The following DDX19B variants were observed in gnomAD, a reference collection of about 807,000 sequenced individuals.
The protein encoded by DDX19B is ATP-dependent RNA helicase DDX19B.
In DDX19B, 27 loss-of-function variants were observed where a neutral mutation model predicts 58.1. The observed-to-expected ratio is 0.46, with a 90% CI of 0.34 to 0.64. DDX19B has a LOEUF of 0.64. DDX19B is among the 30% of genes least tolerant of loss of function. The pLI is 0.01. For synonymous variants in DDX19B, 187 were observed against 214.4 expected (o/e 0.87, Z 1.12); for missense variants, 399 against 596.5 (o/e 0.67, Z 3.45).
At chr16:70,294,917 C>A, upstream of DDX19B, 2 of 1,523,236 alleles carry the variant, frequency 1.3e-6, no homozygotes, top group Non-Finnish European at 8.8e-7. Context: ...CTGTGGGCGA[C>A]GTGAGTATCT....
chr16:70,329,152 G>T, intron 7 of DDX19B, 140 bp from the exon 8 acceptor site: 2 of 1,136,258 alleles, frequency 1.8e-6, no homozygotes, highest in South Asian at 3.2e-5. Flanking sequence ...GAACCTGGGC[G>T]GCAGAGGTTG....
chr16:70,295,614 T>A (rs1038812977), upstream of DDX19B, among the ~76,000 whole-genome samples: 5 of 152,114 alleles, frequency 3.3e-5, no homozygotes, highest in Admixed American at 6.6e-5. Context: ...AGATTATCAA[T>A]TGGACCTTAG....
chr16:70,311,188 A>AC (rs1962075159), intron 1 of DDX19B, among the ~76,000 whole-genome samples: 1 of 150,860 alleles, frequency 6.6e-6, no homozygotes, highest in African/African-American at 2.4e-5. Context: ...CCTGGCTAAC[A>AC]CCGTGAAACC....
intron 3 of DDX19B, among the ~76,000 whole-genome samples, chr16:70,315,386 C>CA (rs750665674): frequency 0.052 from 2,816 of 53,842 alleles, 121 homozygotes; most frequent in African/African-American, 0.16. Context: ...GACTCTGTCT[C>CA]AAAAAAAAAA....
chr16:70,327,277 G>C (rs1290958714), intron 7 of DDX19B, among the ~76,000 whole-genome samples: 1 of 151,564 alleles, frequency 6.6e-6, no homozygotes, highest in Non-Finnish European at 1.5e-5. Context: ...GCTCATGCCT[G>C]TAATCCCAGC....
intron 4 of DDX19B, 68 bp downstream of exon 4, chr16:70,316,172 A>C: frequency 6.3e-7 from 1 of 1,585,242 alleles, no homozygotes; most frequent in Middle Eastern, 1.7e-4. Flanking sequence ...TCTGTTATAG[A>C]TATCTTTTGA....
upstream of DDX19B, among the ~76,000 whole-genome samples, chr16:70,296,748 C>T (rs1961239073): frequency 6.6e-6 from 1 of 152,040 alleles, no homozygotes; most frequent in Non-Finnish European, 1.5e-5. Flanking sequence ...AAACAAAAAA[C>T]AAAAACGTCT....
rs1963358706 is a variant in DDX19B, at chr16:70,329,402, G to C, written c.718G>C (p.Val240Leu). 6.2e-7 allele frequency: 1 copy of C among 1,613,932 alleles called. No homozygotes were observed. Among genetic ancestry groups the C allele is most frequent in the African/African-American group, 1.3e-5 (1 of 74,872 alleles). Residue 240 changes from valine (V) to leucine (L), a missense_variant, in exon 8 of 12, where the codon GTT becomes CTT. Coordinates refer to ENST00000288071, the MANE Select transcript of DDX19B (RefSeq NM_007242.7). The part of the protein sequence containing the change: ...FIDPKKIKVF[V>L]LDEADVMIAT... ...TGATCCCAAGAAAATCAAGGTGTTT[G>C]TTCTGGATGAGGCTGATGTCATGAT...
At chr16:70,328,172 G>C (rs1286905675) in intron 7 of DDX19B, among the ~76,000 whole-genome samples, 3 of 151,622 alleles carry the variant, frequency 2.0e-5, no homozygotes, top group African/African-American at 4.8e-5. Context: ...AAAAGTGTTA[G>C]AGGTTTGGTT....
chr16:70,315,709 G>C (rs192127249), intron 3 of DDX19B: 1 of 374,612 alleles, frequency 2.7e-6, no homozygotes, highest in East Asian at 4.4e-5. Context: ...TGTGGGTCTG[G>C]ATAGGAGGAA....
rs1160185627 is a variant in DDX19B, at chr16:70,299,227, C to T, written c.-71C>T. On this transcript the variant is annotated 5_prime_UTR_variant, in exon 1 of 12. Transcript: ENST00000288071. The stretch of plus-strand genomic sequence containing the variant: ...GCTGGAGCAGAGCCTGCCGCGAACC[C>T]CCGGAGCCCACGATCCCTCGTGCCA... The T allele has an allele frequency of 8.9e-6, 13 of 1,463,366 alleles. No homozygotes were observed. The South Asian group carries it at 9.8e-5, about 11-fold the overall frequency. 90.6% of individuals were successfully genotyped at this position (1,463,366 alleles called of 1,614,324 possible).
upstream of DDX19B, among the ~76,000 whole-genome samples, chr16:70,296,487 T>C (rs921777502): frequency 3.3e-5 from 5 of 152,150 alleles, no homozygotes; most frequent in Admixed American, 1.3e-4. Flanking sequence ...GCTTGGGGGC[T>C]TTTGGGGTGG....
intron 3 of DDX19B, 152 bp from the exon 4 acceptor site, chr16:70,315,817 C>G: frequency 9.1e-7 from 1 of 1,101,094 alleles, no homozygotes; most frequent in African/African-American, 1.6e-5. Context: ...TTTAATAAAA[C>G]TATTTTAATT....
At chr16:70,311,253 G>A (rs1036489174) in intron 1 of DDX19B, among the ~76,000 whole-genome samples, 1 of 151,682 alleles carries the variant, frequency 6.6e-6, no homozygotes, top group African/African-American at 2.4e-5. Context: ...GGTGGCGGGC[G>A]CCTGTAGTCT....
intron 7 of DDX19B, among the ~76,000 whole-genome samples, chr16:70,326,725 G>C (rs573130840): frequency 4.6e-5 from 7 of 152,042 alleles, no homozygotes; most frequent in African/African-American, 1.7e-4. Flanking sequence ...TAGTACAGAT[G>C]GGGTTTCACC....
upstream of DDX19B, among the ~76,000 whole-genome samples, chr16:70,298,053 T>C (rs1053358901): frequency 1.3e-5 from 2 of 151,998 alleles, no homozygotes; most frequent in Non-Finnish European, 2.9e-5. Flanking sequence ...GGTGGGAGGA[T>C]CACTTGAGCT....
rs947083597 is a variant in DDX19B at position 70,313,659 on chromosome 16, T to A, written c.106+1002T>A. On this transcript the variant is annotated intron_variant, in intron 2 of 11. Coordinates refer to ENST00000288071, the MANE Select transcript of DDX19B (RefSeq NM_007242.7). ...TTTACCTATCCTAATTATTCTGAAA[T>A]CATATTTATCCAAAGTTAAGATTTC... 9.2e-5 allele frequency among the ~76,000 whole-genome samples: 14 copies of A among 152,316 alleles called. 1 individual carries two copies. The highest frequency in any genetic ancestry group is 2.0e-4 in the Admixed American group (3 of 15,280).
At chr16:70,292,110 C>T (rs921001433), upstream of DDX19B, among the ~76,000 whole-genome samples, 4 of 152,132 alleles carry the variant, frequency 2.6e-5, no homozygotes, top group Admixed American at 6.6e-5. Flanking sequence ...TGAGATCTCG[C>T]GACTGCACTC....
rs35186561 is a variant in DDX19B at position 70,307,675 on chromosome 16, ATGTGTGTG to A, written c.58-4922_58-4915del. 8.7e-5 allele frequency among the ~76,000 whole-genome samples: 13 copies of A among 149,438 alleles called. No homozygotes were observed. In the East Asian group the frequency reaches 2.6e-3, roughly 30 times the overall value. The stretch of plus-strand genomic sequence containing the variant: ...ATCACATCTGGCCATATGTATATAT[ATGTGTGTG>A]TGTGTGTGTGTATGTATATATGTGT... On this transcript the variant is annotated intron_variant, in intron 1 of 11. Coordinates refer to ENST00000288071, the MANE Select transcript of DDX19B (RefSeq NM_007242.7).
Sources: gnomAD v4.1 joint callset for allele counts (sites outside exome capture counted in the v4.1 genomes callset) on GRCh38, gnomAD v4.1.1 for gene constraint, MANE v1.5 for transcripts, NCBI Gene and HGNC (gene_info 2026-07-23, HGNC 2026-07-21) for gene names.